The following PLEKHA4 variants were observed in gnomAD, a reference collection of about 807,000 sequenced individuals.
PLEKHA4 encodes pleckstrin homology domain containing A4.
A neutral mutation model predicts 94.7 loss-of-function variants in PLEKHA4; 73 were observed. The ratio of observed to expected loss-of-function variants is 0.77; its 90% confidence interval spans 0.64 to 0.94. PLEKHA4 has a LOEUF of 0.94. PLEKHA4 is among the 40% of genes least tolerant of loss of function. The probability of loss-of-function intolerance (pLI) is 0.00; values close to 1 mark genes in which losing one functional copy is unlikely to be tolerated. For synonymous variants in PLEKHA4, 449 were observed against 437.1 expected, an observed-to-expected ratio of 1.03 and a Z score of -0.34; for missense variants, 1,049 against 1,054.1, an observed-to-expected ratio of 1.00 and a Z score of 0.07.
At chr19:48,855,898 C>T (rs552451335) in intron 9 of PLEKHA4, among the ~76,000 whole-genome samples, 5 of 151,860 alleles carry the variant, frequency 3.3e-5, no homozygotes, top group South Asian at 2.1e-4. Context: ...GGTGGCCAGG[C>T]GCAGTGGCTC....
chr19:48,853,324 A>G (rs35717770), intron 12 of PLEKHA4, among the ~76,000 whole-genome samples: 3 of 152,092 alleles, frequency 2.0e-5, no homozygotes, highest in Admixed American at 2.0e-4. Flanking sequence ...TGAGGTTAGG[A>G]GTTCGAGACC....
At chr19:48,853,471 C>T (rs181443452) in intron 12 of PLEKHA4, among the ~76,000 whole-genome samples, 233 of 151,202 alleles carry the variant, frequency 1.5e-3, no homozygotes, top group Non-Finnish European at 2.4e-3. Context: ...TGTACTCCAG[C>T]CTGGGCGACA....
intron 16 of PLEKHA4, among the ~76,000 whole-genome samples, chr19:48,842,235 C>G (rs1411782375): frequency 6.6e-6 from 1 of 150,904 alleles, no homozygotes. Context: ...ACCTCCGCCT[C>G]CTGGGTTCAA....
rs1048469168 is a variant in PLEKHA4 at position 48,854,057 on chromosome 19, G to A, written c.1126C>T (p.Arg376Trp). The A allele has an allele frequency of 4.3e-6, 7 of 1,614,172 alleles. No individual in the cohort carries two copies. Among genetic ancestry groups the A allele is most frequent in the South Asian group, 2.2e-5 (2 of 91,076 alleles). The change falls in exon 11 of 20, where the codon CGG (arginine) becomes TGG (tryptophan). Residue 376 changes from arginine to tryptophan, a missense_variant. By Grantham distance (101) the Arg-to-Trp change is moderately radical. Transcript: ENST00000263265. ...TLLTKLCGQD[R>W]LLRRLQEEID... The stretch of plus-strand genomic sequence containing the variant: ...TCCTCCTGCAGCCTCCGCAGAAGCC[G>A]GTCCTGCCCGCACAACTTGGTCAGC...
intron 13 of PLEKHA4, among the ~76,000 whole-genome samples, chr19:48,848,817 GA>G (rs938813510): frequency 2.6e-5 from 4 of 151,268 alleles, no homozygotes; most frequent in African/African-American, 9.7e-5. Flanking sequence ...AAAAGAAAAA[GA>G]AAAAACTGTC....
intron 14 of PLEKHA4, 133 bp downstream of exon 14, chr19:48,847,767 C>G: frequency 9.6e-7 from 1 of 1,043,316 alleles, no homozygotes; most frequent in Non-Finnish European, 1.3e-6. Flanking sequence ...ACAAAGGCTT[C>G]CAGAGGTTAG....
chr19:48,848,060 T>C lies in PLEKHA4; in HGVS notation c.1426-20A>G. Reference sequence around the variant, plus strand: ...TCTGTCCTGCAGGGAGGAAAGGAATTTGTTACTTAAAGGTGGGAAAACGCA... The same window carrying C: ...TCTGTCCTGCAGGGAGGAAAGGAATCTGTTACTTAAAGGTGGGAAAACGCA... On this transcript the variant is annotated intron_variant, in intron 13 of 19. Coordinates refer to ENST00000263265, the MANE Select transcript of PLEKHA4 (RefSeq NM_020904.3). 1 of 1,612,238 alleles carries C rather than the reference T, an allele frequency of 6.2e-7. No individual in the cohort carries two copies. Among genetic ancestry groups the C allele is most frequent in the Non-Finnish European group, 8.5e-7 (1 of 1,179,642 alleles).
chr19:48,841,091 G>T, intron 17 of PLEKHA4, 58 bp downstream of exon 17: 1 of 1,502,650 alleles, frequency 6.7e-7, no homozygotes, highest in Non-Finnish European at 9.0e-7. Flanking sequence ...GGGACTCAAA[G>T]TAGGCGAAGA....
chr19:48,861,542 G>C, intron 4 of PLEKHA4, 41 bp from the exon 5 acceptor site: 1 of 1,612,842 alleles, frequency 6.2e-7, no homozygotes, highest in Non-Finnish European at 8.5e-7. Flanking sequence ...ACAGGGATCA[G>C]AAGGCCAAGA....
chr19:48,840,724 C>A (rs1012937028), intron 17 of PLEKHA4, among the ~76,000 whole-genome samples: 1 of 151,896 alleles, frequency 6.6e-6, no homozygotes, highest in African/African-American at 2.4e-5. Flanking sequence ...CATGCCCGGC[C>A]GAAAAAGGAA....
Position 48,867,538 on chromosome 19 carries a change from T to C in PLEKHA4, c.83A>G (p.Lys28Arg). The change falls in exon 2 of 20, where the codon AAG becomes AGG. Residue 28 changes from lysine (K) to arginine (R), a missense_variant and splice_region_variant. Lys to Arg is a conservative substitution (Grantham distance 26). Coordinates refer to ENST00000263265, the MANE Select transcript of PLEKHA4 (RefSeq NM_020904.3). The surrounding 1 kb of genome is among the most constrained non-coding windows in gnomAD (Gnocchi z 4.7). ...TISSLSSLSPKKPTRAVNKIH... is the reference protein window; with the variant it reads ...TISSLSSLSPRKPTRAVNKIH... ...CCATCCCCGCCAGGAAGCTCAAACC[T>C]TGGGGCTCAGGCTGCTGAGCGAGGA... 1.3e-6 allele frequency: 2 copies of C among 1,595,314 alleles called. No homozygotes were observed. Among genetic ancestry groups the C allele is most frequent in the Admixed American group, 1.8e-5 (1 of 56,308 alleles).
intron 18 of PLEKHA4, 54 bp downstream of exon 18, chr19:48,839,151 T>C: frequency 7.1e-7 from 1 of 1,409,252 alleles, no homozygotes; most frequent in South Asian, 1.3e-5. Flanking sequence ...TACTCCCCTT[T>C]GCTTTTGCAA....
intron 16 of PLEKHA4, among the ~76,000 whole-genome samples, chr19:48,844,165 T>C (rs923439532): frequency 7.8e-6 from 1 of 127,444 alleles, no homozygotes; most frequent in Admixed American, 8.5e-5. Flanking sequence ...ATTATTATTA[T>C]TATTTTCGAG....
intron 11 of PLEKHA4, 61 bp downstream of exon 11, chr19:48,853,946 A>C: frequency 6.2e-7 from 1 of 1,603,146 alleles, no homozygotes; most frequent in South Asian, 1.1e-5. Context: ...TTCCGCATTC[A>C]GGAAGGGCTC....
intron 16 of PLEKHA4, among the ~76,000 whole-genome samples, chr19:48,843,229 A>T (rs1221540577): frequency 6.6e-6 from 1 of 152,160 alleles, no homozygotes; most frequent in African/African-American, 2.4e-5. Flanking sequence ...CCCAGGCTGG[A>T]GTGCAATGGC....
At chr19:48,845,699 A>C in intron 14 of PLEKHA4, 83 bp from the exon 15 acceptor site, 2 of 1,143,180 alleles carry the variant, frequency 1.7e-6, no homozygotes, top group East Asian at 5.2e-5. Flanking sequence ...TAGGCATTGG[A>C]ATACAGTCTG....
intron 5 of PLEKHA4, among the ~76,000 whole-genome samples, 176 bp downstream of exon 5, chr19:48,861,217 CAAAACAAA>C (rs1486298958): frequency 1.3e-5 from 2 of 152,010 alleles, no homozygotes; most frequent in Non-Finnish European, 2.9e-5. Context: ...CAAAAAACAA[CAAAACAAA>C]AAAACAAACC....
chr19:48,854,327 G>A, intron 9 of PLEKHA4, 63 bp from the exon 10 acceptor site: 3 of 1,405,250 alleles, frequency 2.1e-6, no homozygotes, highest in Non-Finnish European at 3.0e-6. Context: ...GTAACTCAGT[G>A]CTGAGCCACG....
intron 18 of PLEKHA4, 42 bp downstream of exon 18, chr19:48,839,163 T>A: frequency 1.4e-6 from 2 of 1,448,674 alleles, no homozygotes; most frequent in Admixed American, 2.2e-5. Context: ...CTTTTGCAAA[T>A]TTTTTTTTCC....
Sources: allele counts gnomAD v4.1 joint callset (sites outside exome capture counted in the v4.1 genomes callset), GRCh38; gene constraint gnomAD v4.1.1; non-coding constraint Gnocchi (gnomAD v3.1); transcripts MANE v1.5; gene names NCBI Gene and HGNC (gene_info 2026-07-23, HGNC 2026-07-21).